CLEC16A: variants seen among roughly 807,000 people sequenced by gnomAD.
The protein encoded by CLEC16A is protein CLEC16A.
CLEC16A carries 51 observed loss-of-function variants against 109.5 expected under a neutral mutation model. The observed-to-expected ratio is 0.47, with a 90% CI of 0.37 to 0.59. CLEC16A has a LOEUF of 0.59. Ranked by LOEUF, CLEC16A falls within the 20% of genes least tolerant of loss-of-function variation. The probability of loss-of-function intolerance (pLI) is 0.00; values close to 1 mark genes in which losing one functional copy is unlikely to be tolerated. For missense variants in CLEC16A, 1,339 were observed against 1,394.0 expected (o/e 0.96, Z 0.63); for synonymous variants, 673 against 564.2 (o/e 1.19, Z -2.73).
At chr16:10,963,288 T>C (rs1219025820) in intron 3 of CLEC16A, among the ~76,000 whole-genome samples, 2 of 152,148 alleles carry the variant, frequency 1.3e-5, no homozygotes, top group Non-Finnish European at 2.9e-5. Flanking sequence ...TAACCTTAAT[T>C]ACCTCGCCAA....
Position 11,099,535 on chromosome 16 carries a change from A to G in CLEC16A, c.2117-21080A>G, listed in dbSNP as rs532756611. ...GACAGCATGGTCGTAGGACATTTCC[A>G]TCAATGCAGAAAGTCCTTTTGGGCA... On this transcript the variant is annotated intron_variant, in intron 19 of 23. Coordinates refer to ENST00000409790, the MANE Select transcript of CLEC16A (RefSeq NM_015226.3). Among the ~76,000 whole-genome samples the G allele has an allele frequency of 1.2e-4, 18 of 152,358 alleles. No individual in the cohort carries two copies. In the South Asian group the frequency reaches 2.1e-3, roughly 18 times the overall value.
intron 22 of CLEC16A, among the ~76,000 whole-genome samples, chr16:11,141,925 G>T (rs913819931): frequency 3.9e-5 from 6 of 152,170 alleles, no homozygotes; most frequent in Non-Finnish European, 2.9e-5. Flanking sequence ...ACCAGCGCAG[G>T]TCACACAACA....
intron 13 of CLEC16A, among the ~76,000 whole-genome samples, chr16:11,032,115 G>C (rs1156417477): frequency 6.6e-6 from 1 of 152,192 alleles, no homozygotes; most frequent in Non-Finnish European, 1.5e-5. Context: ...GCAGGAGTGA[G>C]GACCCGTTTC....
chr16:11,080,717 TTA>T (rs2049657977), intron 19 of CLEC16A, among the ~76,000 whole-genome samples: 1 of 152,216 alleles, frequency 6.6e-6, no homozygotes, highest in Non-Finnish European at 1.5e-5. Flanking sequence ...GTGCTTTGGC[TTA>T]TGGCCCCTCC....
At chr16:11,034,883 C>T (rs1371711708) in intron 13 of CLEC16A, among the ~76,000 whole-genome samples, 2 of 152,054 alleles carry the variant, frequency 1.3e-5, no homozygotes, top group South Asian at 2.1e-4. Context: ...CCAAAAACCA[C>T]GGGGTATGCA....
intron 19 of CLEC16A, among the ~76,000 whole-genome samples, chr16:11,099,839 G>A (rs1358434909): frequency 1.3e-5 from 2 of 152,184 alleles, no homozygotes; most frequent in South Asian, 2.1e-4. Context: ...GGACCCACGT[G>A]CTGTTTTCAC....
chr16:11,100,090 T>C (rs1321709950), intron 19 of CLEC16A, among the ~76,000 whole-genome samples: 4 of 152,156 alleles, frequency 2.6e-5, no homozygotes, highest in Non-Finnish European at 5.9e-5. Context: ...CTAGCTCTTT[T>C]CTTAACTTTT....
chr16:11,002,251 G>C (rs2044710253), intron 10 of CLEC16A, among the ~76,000 whole-genome samples: 1 of 152,182 alleles, frequency 6.6e-6, no homozygotes, highest in Non-Finnish European at 1.5e-5. Context: ...CAGAGCCTGA[G>C]AACAGCATCT....
chr16:11,144,011 A>G (rs2153069768), intron 22 of CLEC16A, among the ~76,000 whole-genome samples: 1 of 152,266 alleles, frequency 6.6e-6, no homozygotes, highest in East Asian at 1.9e-4. Flanking sequence ...CCCCATAATT[A>G]TCAAGCCCAT....
chr16:11,013,214 A>G (rs1003541421), intron 11 of CLEC16A, among the ~76,000 whole-genome samples: 3 of 152,228 alleles, frequency 2.0e-5, no homozygotes, highest in African/African-American at 7.2e-5. Flanking sequence ...TTATAATGCA[A>G]CAATGTTGAA....
chr16:11,009,618 A>G (rs1050014953), intron 11 of CLEC16A, among the ~76,000 whole-genome samples: 3 of 152,132 alleles, frequency 2.0e-5, no homozygotes, highest in Admixed American at 6.5e-5. Flanking sequence ...CTACAAGGCT[A>G]GGCGCTGGAG....
chr16:11,074,357 A>T (rs1421969179), intron 19 of CLEC16A, among the ~76,000 whole-genome samples: 1 of 152,236 alleles, frequency 6.6e-6, no homozygotes, highest in Non-Finnish European at 1.5e-5. Flanking sequence ...CTTTTCAGAA[A>T]TGAAGTAGAA....
Position 11,174,485 on chromosome 16 carries a change from C to T in CLEC16A, c.2807-3850C>T, listed in dbSNP as rs1347124430. Among the ~76,000 whole-genome samples the T allele has an allele frequency of 1.3e-5, 2 of 152,246 alleles. No individual in the cohort carries two copies. Among genetic ancestry groups the T allele is most frequent in the Non-Finnish European group, 2.9e-5 (2 of 68,050 alleles). ...CCTCATGTGAAGACCAGATCCCCGG[C>T]CCTTGACCTTCGCGACAGTCCTTCA... On this transcript the variant is annotated intron_variant, in intron 23 of 23. Coordinates refer to ENST00000409790, the MANE Select transcript of CLEC16A (RefSeq NM_015226.3). The surrounding 1 kb of genome is among the most constrained non-coding windows in gnomAD (Gnocchi z 4.7).
intron 9 of CLEC16A, among the ~76,000 whole-genome samples, chr16:10,980,258 C>T (rs1158681256): frequency 6.6e-6 from 1 of 152,190 alleles, no homozygotes; most frequent in African/African-American, 2.4e-5. Context: ...CGGACATGTC[C>T]TGACCATCAC....
At chr16:11,130,161 G>A (rs1250909979) in intron 22 of CLEC16A, among the ~76,000 whole-genome samples, 3 of 152,174 alleles carry the variant, frequency 2.0e-5, no homozygotes, top group Non-Finnish European at 4.4e-5. Context: ...AGGGTTGCCT[G>A]CGTGGGAACC....
chr16:11,000,182 C>G (rs1355486585), intron 10 of CLEC16A, among the ~76,000 whole-genome samples: 1 of 152,010 alleles, frequency 6.6e-6, no homozygotes, highest in East Asian at 1.9e-4. Flanking sequence ...TTCTAGGGGG[C>G]CAGAATTACT....
chr16:11,120,527 C>G lies in CLEC16A; in HGVS notation c.2117-88C>G, dbSNP rs971637250. ...TGGGCTCTAACCACTGAGCTCTGCT[C>G]CTGATAGAATGAGAGTCAGCTTTGG... On this transcript the variant is annotated intron_variant, in intron 19 of 23. Transcript: ENST00000409790. The G allele has an allele frequency of 1.6e-5, 22 of 1,397,708 alleles. 1 individual carries two copies. Among genetic ancestry groups the G allele is most frequent in the Middle Eastern group, 1.8e-4 (1 of 5,408 alleles). 86.6% of individuals were successfully genotyped at this position (1,397,708 alleles called of 1,614,324 possible). A position where few individuals can be genotyped will look rare whatever the true frequency, so the allele number is the denominator to read the frequency against.
chr16:10,945,979 A>G (rs2041344250), intron 1 of CLEC16A, among the ~76,000 whole-genome samples: 1 of 152,208 alleles, frequency 6.6e-6, no homozygotes, highest in African/African-American at 2.4e-5. Context: ...TAAAGAGTGG[A>G]AAAATGAATG....
At position 11,178,726 on chromosome 16, in the gene CLEC16A, CGCT is replaced by C. The variant is rs1269774186; in HGVS notation, c.*38_*40del. ...GGGCCTCCCTTTGTGTGTGTGGCCC[CGCT>C]GGTAGGGACCCCAGTGCCGCTGACT... is the stretch of plus-strand genomic sequence containing the variant. On this transcript the variant is annotated 3_prime_UTR_variant, in exon 24 of 24. Coordinates refer to ENST00000409790, the MANE Select transcript of CLEC16A (RefSeq NM_015226.3). The surrounding 1 kb of genome is among the most constrained non-coding windows in gnomAD (Gnocchi z 6.5). 2 of 1,412,802 alleles carry C rather than the reference CGCT, an allele frequency of 1.4e-6. No homozygotes were observed. Among genetic ancestry groups the C allele is most frequent in the African/African-American group, 2.9e-5 (2 of 69,680 alleles). 87.5% of individuals were successfully genotyped at this position (1,412,802 alleles called of 1,614,324 possible). A position where few individuals can be genotyped will look rare whatever the true frequency, so the allele number is the denominator to read the frequency against.
Sources: gnomAD v4.1 joint callset for allele counts (sites outside exome capture counted in the v4.1 genomes callset) on GRCh38, gnomAD v4.1.1 for gene constraint, Gnocchi (gnomAD v3.1) non-coding constraint, MANE v1.5 for transcripts, NCBI Gene and HGNC (gene_info 2026-07-23, HGNC 2026-07-21) for gene names.